The following ZNF831 variants were observed in gnomAD, a reference collection of about 807,000 sequenced individuals.
ZNF831 encodes chromosome 20 open reading frame 174.
Under a neutral mutation model 95.8 loss-of-function variants are expected in ZNF831, and 59 were observed. The observed-to-expected ratio is 0.62, with a 90% CI of 0.50 to 0.77. ZNF831 has a LOEUF of 0.77. Among genes scored for constraint, ZNF831 ranks in the 30% least tolerant of loss-of-function variants. ZNF831 has a pLI of 0.00. For missense variants in ZNF831, 2,205 were observed against 2,164.0 expected (o/e 1.02, Z -0.38); for synonymous variants, 961 against 925.5 (o/e 1.04, Z -0.70).
At chr20:59,248,110 A>G (rs548823249) in intron 4 of ZNF831, among the ~76,000 whole-genome samples, 7 of 152,376 alleles carry the variant, frequency 4.6e-5, no homozygotes, top group East Asian at 1.9e-4. Flanking sequence ...ACAGCCTTTA[A>G]TCAGGGAAAG....
rs1009962058 is a variant in ZNF831 at position 59,194,757 on chromosome 20, G to A, written c.3738G>A (p.Lys1246=). 6.5e-7 allele frequency: 1 copy of A among 1,548,842 alleles called. No homozygotes were observed. Among genetic ancestry groups the A allele is most frequent in the Non-Finnish European group, 8.7e-7 (1 of 1,149,642 alleles). ...AAGGAGGGCCGGCGCAGATGTCCAA[G>A]GTAAAGCTGGGCTTTGCCCCAGGGC... ...PGEGGPAQMS[K]FSYPTVPGVM... is the part of the protein sequence containing the mutation. The change falls in exon 2 of 6, where the codon AAG becomes AAA. Residue 1246 remains lysine (K), a splice_region_variant and synonymous_variant. Transcript: ENST00000371030.
At position 59,210,777 on chromosome 20, in the gene ZNF831, C is replaced by A. The variant is rs562378839; in HGVS notation, c.4027+3721C>A. 2.6e-5 allele frequency among the ~76,000 whole-genome samples: 4 copies of A among 152,348 alleles called. No individual in the cohort carries two copies. The East Asian group carries it at 7.7e-4, about 29-fold the overall frequency. ...TTCCATAAACATCCTGTTTCAACAT[C>A]AGCATTTCATTGCTTTCTTCACACC... On this transcript the variant is annotated intron_variant, in intron 4 of 5. Coordinates refer to ENST00000371030, the MANE Select transcript of ZNF831 (RefSeq NM_178457.3).
chr20:59,210,366 G>A (rs568597069), intron 4 of ZNF831, among the ~76,000 whole-genome samples: 1 of 152,306 alleles, frequency 6.6e-6, no homozygotes, highest in South Asian at 2.1e-4. Context: ...GTGGCCGGCG[G>A]GATGGGGCTC....
chr20:59,237,785 T>G (rs1987084284), intron 4 of ZNF831, among the ~76,000 whole-genome samples: 1 of 152,218 alleles, frequency 6.6e-6, no homozygotes, highest in African/African-American at 2.4e-5. Flanking sequence ...GCAGCCATCC[T>G]TGGATGTACA....
At chr20:59,137,995 A>G (rs1347389680) in intron 1 of ZNF831, among the ~76,000 whole-genome samples, 1 of 152,144 alleles carries the variant, frequency 6.6e-6, no homozygotes, top group Non-Finnish European at 1.5e-5. Flanking sequence ...AATCCCAAAC[A>G]CCAGGTGTTA....
chr20:59,161,432 C>A (rs569454238), upstream of ZNF831, among the ~76,000 whole-genome samples: 34 of 152,256 alleles, frequency 2.2e-4, 1 homozygote, highest in South Asian at 7.1e-3. Flanking sequence ...TGTGCACCAC[C>A]ACACCCGGCT....
chr20:59,196,243 C>T (rs1159908119), intron 3 of ZNF831, among the ~76,000 whole-genome samples: 2 of 152,174 alleles, frequency 1.3e-5, no homozygotes, highest in East Asian at 1.9e-4. Flanking sequence ...GGGTTGAAAA[C>T]ACATCCATTC....
intron 4 of ZNF831, among the ~76,000 whole-genome samples, chr20:59,238,819 T>C (rs1302322092): frequency 1.3e-5 from 2 of 148,654 alleles, no homozygotes; most frequent in South Asian, 2.3e-4. Context: ...CTCCCCCTTG[T>C]ATCTATTAGA....
At chr20:59,140,559 A>G (rs1256177759) in intron 1 of ZNF831, among the ~76,000 whole-genome samples, 1 of 152,154 alleles carries the variant, frequency 6.6e-6, no homozygotes, top group Non-Finnish European at 1.5e-5. Flanking sequence ...AAGTTGCAAA[A>G]ATAGTACAGA....
chr20:59,141,505 C>T (rs1979679252), intron 1 of ZNF831, among the ~76,000 whole-genome samples: 1 of 152,170 alleles, frequency 6.6e-6, no homozygotes, highest in Admixed American at 6.5e-5. Context: ...GCTTTTGCAC[C>T]TTTGTCAAAA....
At chr20:59,136,924 G>T (rs1015160184) in intron 1 of ZNF831, among the ~76,000 whole-genome samples, 22 of 152,176 alleles carry the variant, frequency 1.4e-4, no homozygotes, top group African/African-American at 4.8e-4. Flanking sequence ...AAAGAGTTAT[G>T]CAGTTTTCAT....
intron 4 of ZNF831, among the ~76,000 whole-genome samples, chr20:59,210,424 G>C (rs181674043): frequency 6.6e-6 from 1 of 152,246 alleles, no homozygotes; most frequent in East Asian, 1.9e-4. Context: ...GCTGAAATCC[G>C]TCTGTGGCCT....
intron 4 of ZNF831, among the ~76,000 whole-genome samples, chr20:59,221,747 A>G: frequency 6.6e-6 from 1 of 152,202 alleles, no homozygotes; most frequent in Non-Finnish European, 1.5e-5. Flanking sequence ...CTTAACTTCC[A>G]AAGGACATGA....
intron 4 of ZNF831, among the ~76,000 whole-genome samples, chr20:59,209,222 G>A (rs1398350616): frequency 1.3e-5 from 2 of 152,186 alleles, no homozygotes; most frequent in African/African-American, 4.8e-5. Context: ...ACTCCAGCAT[G>A]GATGACCAAG....
chr20:59,126,683 A>G (rs1209267079), intron 1 of ZNF831, among the ~76,000 whole-genome samples: 7 of 152,188 alleles, frequency 4.6e-5, no homozygotes. Flanking sequence ...GCATGGCCTG[A>G]GGCCACGCAC....
Position 59,254,769 on chromosome 20 carries a change from G to A in ZNF831, c.*26G>A, listed in dbSNP as rs567407606. ...AGCTTCCAGAGAAACATGGTGTCTG[G>A]TCAAAAAGACTGTTGACGCTTCACA... On this transcript the variant is annotated 3_prime_UTR_variant, in exon 6 of 6. Transcript: ENST00000371030. This position sits in a 1 kb window ranked among gnomAD's most constrained non-coding sequence, Gnocchi z 4.5. 7.5e-7 allele frequency: 1 copy of A among 1,336,208 alleles called. No individual in the cohort carries two copies. The highest frequency in any genetic ancestry group is 2.2e-5 in the Admixed American group (1 of 45,184). 82.8% of individuals were successfully genotyped at this position (1,336,208 alleles called of 1,614,324 possible).
chr20:59,194,194 A>G lies in ZNF831; in HGVS notation c.3175A>G (p.Thr1059Ala), dbSNP rs1375443308. ...REATSSPPTP[T>A]CEAHLVQDME... ...GGCTACCTCCTCCCCGCCCACTCCA[A>G]CGTGTGAGGCACACTTAGTTCAGGA... is the stretch of plus-strand genomic sequence containing the variant. The change falls in exon 2 of 6, where the codon ACG becomes GCG. Residue 1059 changes from threonine (T) to alanine (A), a missense_variant. Transcript: ENST00000371030. 6.2e-7 allele frequency: 1 copy of G among 1,608,364 alleles called. No individual in the cohort carries two copies. The highest frequency in any genetic ancestry group is 8.5e-7 in the Non-Finnish European group (1 of 1,176,962).
chr20:59,232,293 C>T (rs1385734420), intron 4 of ZNF831, among the ~76,000 whole-genome samples: 1 of 152,020 alleles, frequency 6.6e-6, no homozygotes, highest in African/African-American at 2.4e-5. Context: ...TTGATAAGTG[C>T]AAACTGACAT....
chr20:59,233,995 C>T (rs770970210), intron 4 of ZNF831, among the ~76,000 whole-genome samples: 36 of 152,234 alleles, frequency 2.4e-4, no homozygotes. Context: ...TCTTCTACTT[C>T]TGATGATGAG....
Sources: allele counts gnomAD v4.1 joint callset (sites outside exome capture counted in the v4.1 genomes callset), GRCh38; gene constraint gnomAD v4.1.1; non-coding constraint Gnocchi (gnomAD v3.1); transcripts MANE v1.5; gene names NCBI Gene and HGNC (gene_info 2026-07-23, HGNC 2026-07-21).